The following ESR1 variants were observed in gnomAD, a reference collection of about 807,000 sequenced individuals.
ESR1 encodes the protein estrogen receptor 1.
ESR1 carries 12 observed loss-of-function variants against 52.7 expected under a neutral mutation model. The observed-to-expected ratio is 0.23, with a 90% CI of 0.15 to 0.37. The LOEUF is 0.37. Among genes scored for constraint, ESR1 ranks in the 10% least tolerant of loss-of-function variants. The pLI, the probability that ESR1 is intolerant of heterozygous loss-of-function variation, is 1.00. For synonymous variants in ESR1, 305 were observed against 316.8 expected, an observed-to-expected ratio of 0.96 and a Z score of 0.39; for missense variants, 584 against 779.7, an observed-to-expected ratio of 0.75 and a Z score of 2.99.
intron 2 of ESR1, among the ~76,000 whole-genome samples, chr6:151,755,840 A>G (rs1178571238): frequency 1.3e-5 from 2 of 152,046 alleles, no homozygotes; most frequent in African/African-American, 4.8e-5. Context: ...CATGTTGGCC[A>G]GGCTGGTCTT....
At position 152,094,693 on chromosome 6, in the gene ESR1, ATAGAATAAG is replaced by A; in HGVS notation, c.1553+126_1553+134del. On this transcript the variant is annotated intron_variant, in intron 7 of 7. Transcript: ENST00000206249. This position sits in a 1 kb window ranked among gnomAD's most constrained non-coding sequence, Gnocchi z 4.6. ...GAGTGCACTTGTGACAGTTCCTGGC[ATAGAATAAG>A]CATAAATGCTATAGGAGGACAGAAG... The A allele has an allele frequency of 2.3e-6, 2 of 866,222 alleles. No homozygotes were observed. The highest frequency in any genetic ancestry group is 3.7e-6 in the Non-Finnish European group (2 of 537,252). The allele number at this position is 866,222 out of a possible 1,614,324, so 53.7% of individuals were successfully genotyped here. A position where few individuals can be genotyped will look rare whatever the true frequency, so the allele number is the denominator to read the frequency against.
intron 4 of ESR1, among the ~76,000 whole-genome samples, chr6:151,953,934 C>T (rs2036612203): frequency 6.6e-6 from 1 of 152,150 alleles, no homozygotes; most frequent in Non-Finnish European, 1.5e-5. Flanking sequence ...GCTTTGTTGT[C>T]TTTACTTTAG....
intron 4 of ESR1, among the ~76,000 whole-genome samples, chr6:151,986,333 T>C (rs2040485279): frequency 6.6e-6 from 1 of 152,146 alleles, no homozygotes; most frequent in Non-Finnish European, 1.5e-5. Flanking sequence ...AAAGGCATTG[T>C]TGCTTTTCTT....
intron 2 of ESR1, among the ~76,000 whole-genome samples, chr6:151,732,518 G>C (rs1169691652): frequency 1.4e-5 from 2 of 144,398 alleles, no homozygotes; most frequent in African/African-American, 5.5e-5. Flanking sequence ...CTTTATGTTT[G>C]TGTATGTGTG....
intron 4 of ESR1, among the ~76,000 whole-genome samples, chr6:151,995,330 C>G (rs60403595): frequency 1.3e-3 from 197 of 152,234 alleles, no homozygotes; most frequent in African/African-American, 4.4e-3. Flanking sequence ...TCTGTCCATC[C>G]AGTCATCCAT....
Position 151,850,200 on chromosome 6 carries a change from C to G in ESR1, c.643+7413C>G, listed in dbSNP as rs541876257. Among the ~76,000 whole-genome samples the G allele has an allele frequency of 2.2e-4, 16 of 74,402 alleles. No individual in the cohort carries two copies. The Admixed American group carries it at 2.2e-3, about 10-fold the overall frequency. 48.8% of individuals were successfully genotyped at this position (74,402 alleles called of 152,430 possible). A position where few individuals can be genotyped will look rare whatever the true frequency, so the allele number is the denominator to read the frequency against. On this transcript the variant is annotated intron_variant, in intron 2 of 7. Transcript: ENST00000206249. ...AATGCTCAGTGCCTCAGAATGTGAC[C>G]TTATTTGGAAATAATGTCATTCCAG...
chr6:151,717,021 T>A (rs2347638), intron 2 of ESR1, among the ~76,000 whole-genome samples: 4 of 152,136 alleles, frequency 2.6e-5, no homozygotes, highest in Admixed American at 1.3e-4. Flanking sequence ...TCTGTGTGTT[T>A]CAAAGACCAT....
At chr6:151,883,843 T>C (rs1304869905) in intron 3 of ESR1, among the ~76,000 whole-genome samples, 1 of 152,114 alleles carries the variant, frequency 6.6e-6, no homozygotes, top group Non-Finnish European at 1.5e-5. Flanking sequence ...CCACATGGCC[T>C]TTTCTCGGGG....
At chr6:151,691,914 G>C (rs771095036) in intron 1 of ESR1, among the ~76,000 whole-genome samples, 8 of 152,318 alleles carry the variant, frequency 5.3e-5, no homozygotes, top group Non-Finnish European at 1.0e-4. Context: ...AATGCATGCA[G>C]ATAATGCTGT....
chr6:152,040,879 A>G (rs1562712151), intron 5 of ESR1, among the ~76,000 whole-genome samples: 1 of 152,170 alleles, frequency 6.6e-6, no homozygotes, highest in Non-Finnish European at 1.5e-5. Flanking sequence ...CATTTGAGCT[A>G]CTTCCTCATG....
chr6:151,682,629 G>A lies in ESR1; in HGVS notation n.74-19246G>A, dbSNP rs1233160913. Among the ~76,000 whole-genome samples the A allele has an allele frequency of 2.6e-5, 4 of 152,306 alleles. No individual in the cohort carries two copies. In the South Asian group the frequency reaches 6.2e-4, roughly 24 times the overall value. ...CTAATAGGCAATATTTACAAATTGTGAAAAATATCAGAATAGTATACGTGG... is the reference window on the plus strand; with the variant it reads ...CTAATAGGCAATATTTACAAATTGTAAAAAATATCAGAATAGTATACGTGG... On this transcript the variant is annotated intron_variant and non_coding_transcript_variant, in intron 1 of 2. Coordinates refer to the ESR1 transcript ENST00000473497.
chr6:151,962,908 A>G (rs904870210), intron 4 of ESR1, among the ~76,000 whole-genome samples: 1 of 152,118 alleles, frequency 6.6e-6, no homozygotes, highest in African/African-American at 2.4e-5. Flanking sequence ...TGTCCTCTAA[A>G]TGTTTCTTAT....
intron 2 of ESR1, among the ~76,000 whole-genome samples, chr6:151,710,760 C>A (rs553676740): frequency 6.6e-6 from 1 of 151,742 alleles, no homozygotes; most frequent in Non-Finnish European, 1.5e-5. Context: ...GTGTGATGTT[C>A]CCCTCCCTGT....
chr6:151,715,756 G>C (rs192339108), intron 2 of ESR1, among the ~76,000 whole-genome samples: 1 of 152,068 alleles, frequency 6.6e-6, no homozygotes, highest in African/African-American at 2.4e-5. Flanking sequence ...AAGGTTCTTA[G>C]CTTCCTTGCC....
intron 6 of ESR1, among the ~76,000 whole-genome samples, chr6:152,087,597 G>A (rs9479219): frequency 3.6e-4 from 55 of 152,294 alleles, no homozygotes; most frequent in African/African-American, 1.2e-3. Context: ...TGAATGGGTG[G>A]CTTCCAAGGT....
intron 1 of ESR1, among the ~76,000 whole-genome samples, chr6:151,679,329 C>T (rs1778369782): frequency 6.6e-6 from 1 of 152,074 alleles, no homozygotes; most frequent in South Asian, 2.1e-4. Context: ...GCCTAAAAGG[C>T]CCTTATTGAA....
intron 3 of ESR1, among the ~76,000 whole-genome samples, chr6:151,939,180 T>G (rs2034740259): frequency 6.6e-6 from 1 of 152,200 alleles, no homozygotes; most frequent in South Asian, 2.1e-4. Context: ...GCCAACATGT[T>G]GGTCCCTGCA....
At chr6:151,806,011 C>T (rs1777779534), upstream of ESR1, among the ~76,000 whole-genome samples, 1 of 152,108 alleles carries the variant, frequency 6.6e-6, no homozygotes, top group Non-Finnish European at 1.5e-5. Flanking sequence ...GGCAGGTTCA[C>T]ATTTTTTAAG....
intron 3 of ESR1, among the ~76,000 whole-genome samples, chr6:151,921,100 A>T (rs1339148634): frequency 6.6e-6 from 1 of 151,958 alleles, no homozygotes; most frequent in African/African-American, 2.4e-5. Context: ...CCCCAATCTG[A>T]CAGGTCCCAG....
Sources: gnomAD v4.1 joint callset for allele counts (sites outside exome capture counted in the v4.1 genomes callset) on GRCh38, gnomAD v4.1.1 for gene constraint, Gnocchi (gnomAD v3.1) non-coding constraint, MANE v1.5 for transcripts, NCBI Gene and HGNC (gene_info 2026-07-23, HGNC 2026-07-21) for gene names.